The following GRIK2 variants were observed in gnomAD, a reference collection of about 807,000 sequenced individuals.
GRIK2 encodes glutamate ionotropic receptor kainate type subunit 2.
Under a neutral mutation model 100.3 loss-of-function variants are expected in GRIK2, and 32 were observed. The observed-to-expected ratio is 0.32, with a 90% CI of 0.24 to 0.43. The LOEUF is 0.43. GRIK2 is among the 20% of genes least tolerant of loss of function. The pLI is 1.00. For missense variants in GRIK2, 843 were observed against 1,114.9 expected (o/e 0.76, Z 3.47); for synonymous variants, 417 against 389.4 (o/e 1.07, Z -0.83).
chr6:101,657,460 T>C (rs1413575428), intron 4 of GRIK2, among the ~76,000 whole-genome samples: 2 of 152,172 alleles, frequency 1.3e-5, no homozygotes, highest in African/African-American at 2.4e-5. Context: ...GGTATCTTTA[T>C]AGCAGTGTGA....
chr6:101,546,992 A>T (rs2518312), intron 2 of GRIK2, among the ~76,000 whole-genome samples: 2 of 149,392 alleles, frequency 1.3e-5, no homozygotes, highest in Non-Finnish European at 3.0e-5. Flanking sequence ...CACTACGCCC[A>T]GCTAATTTTT....
chr6:101,521,658 A>G (rs1774889662), intron 2 of GRIK2, among the ~76,000 whole-genome samples: 2 of 151,886 alleles, frequency 1.3e-5, no homozygotes, highest in Non-Finnish European at 2.9e-5. Flanking sequence ...GTAAAATAAG[A>G]TACTTTTTAC....
At chr6:101,927,264 ATTTGT>A (rs1789961363) in intron 13 of GRIK2, 8 of 381,314 alleles carry the variant, frequency 2.1e-5, no homozygotes, top group Non-Finnish European at 2.2e-5. Flanking sequence ...CACATGAATA[ATTTGT>A]TTTATTTTTT....
chr6:101,963,327 T>C (rs1318300624), intron 14 of GRIK2, among the ~76,000 whole-genome samples: 1 of 120,642 alleles, frequency 8.3e-6, no homozygotes, highest in African/African-American at 3.0e-5. Flanking sequence ...AGATGGAGTC[T>C]AGCTCTGTCG....
At chr6:101,639,845 T>A (rs780218142) in intron 4 of GRIK2, among the ~76,000 whole-genome samples, 8 of 152,174 alleles carry the variant, frequency 5.3e-5, no homozygotes, top group Admixed American at 1.3e-4. Context: ...CAGTATCCAC[T>A]AGGATAGTAT....
intron 2 of GRIK2, among the ~76,000 whole-genome samples, chr6:101,582,397 G>A (rs1778145553): frequency 6.6e-6 from 1 of 152,044 alleles, no homozygotes; most frequent in Non-Finnish European, 1.5e-5. Context: ...ATGATAGACT[G>A]GATAAAGAGA....
intron 7 of GRIK2, among the ~76,000 whole-genome samples, chr6:101,732,760 A>T (rs983324681): frequency 6.6e-6 from 1 of 152,030 alleles, no homozygotes; most frequent in Admixed American, 6.6e-5. Flanking sequence ...AAACCTTGCA[A>T]TCATCTCCTT....
At chr6:101,900,479 T>C (rs1039936475) in intron 12 of GRIK2, among the ~76,000 whole-genome samples, 2 of 152,072 alleles carry the variant, frequency 1.3e-5, no homozygotes, top group African/African-American at 2.4e-5. Context: ...ACAAAATATA[T>C]ATTTATTTTG....
intron 3 of GRIK2, among the ~76,000 whole-genome samples, chr6:101,623,581 G>A (rs962985757): frequency 6.6e-6 from 1 of 152,038 alleles, no homozygotes; most frequent in East Asian, 1.9e-4. Flanking sequence ...TTTCTTAATG[G>A]TGATTTCAAA....
chr6:101,686,137 A>G (rs949069084), intron 6 of GRIK2, 43 bp from the exon 7 acceptor site: 16 of 1,531,430 alleles, frequency 1.0e-5, no homozygotes, highest in Non-Finnish European at 1.3e-5. Flanking sequence ...GCCTGTGAAG[A>G]TACTCTGTCC....
intron 11 of GRIK2, among the ~76,000 whole-genome samples, chr6:101,866,593 G>C (rs1453069144): frequency 6.6e-6 from 1 of 151,992 alleles, no homozygotes; most frequent in African/African-American, 2.4e-5. Context: ...TAGTTTATAA[G>C]AATTTCTATT....
intron 7 of GRIK2, among the ~76,000 whole-genome samples, chr6:101,702,014 A>G (rs2128353121): frequency 6.6e-6 from 1 of 152,062 alleles, no homozygotes. Flanking sequence ...CACCATCAGG[A>G]GGCTACTATC....
At position 101,546,898 on chromosome 6, in the gene GRIK2, T is replaced by G. The variant is rs1776269383; in HGVS notation, c.116-75051T>G. Among the ~76,000 whole-genome samples, 3 of 130,144 alleles carry G rather than the reference T, an allele frequency of 2.3e-5. No homozygotes were observed. The South Asian group carries it at 8.9e-4, about 39-fold the overall frequency. The allele number at this position is 130,144 out of a possible 152,430, so 85.4% of individuals were successfully genotyped here. On this transcript the variant is annotated intron_variant, in intron 2 of 16. Transcript: ENST00000369134. Reference sequence around the variant, plus strand: ...CAGGCTGGAGTGCAGTGGCGGGATCTCGGCTCACTGCAAGCTCCGCCTCCC... The same window carrying G: ...CAGGCTGGAGTGCAGTGGCGGGATCGCGGCTCACTGCAAGCTCCGCCTCCC...
intron 10 of GRIK2, among the ~76,000 whole-genome samples, chr6:101,838,473 T>G (rs1783282622): frequency 6.6e-6 from 1 of 152,164 alleles, no homozygotes; most frequent in African/African-American, 2.4e-5. Flanking sequence ...TAAGCCAAGT[T>G]GACCACCCTG....
In GRIK2 at chr6:102,040,801, T is replaced by C. The variant is rs572319990; in HGVS notation, c.2311+5235T>C. ...CATAAAATTGCCAGCCTTCCGTTTT[T>C]CAGCTTTACTGAAGTGAATGAATAC... is the stretch of plus-strand genomic sequence containing the variant. On this transcript the variant is annotated intron_variant, in intron 15 of 16. Transcript: ENST00000369134. Among the ~76,000 whole-genome samples the C allele has an allele frequency of 4.7e-4, 71 of 151,780 alleles. No homozygotes were observed. In the Middle Eastern group the frequency reaches 0.01, roughly 22 times the overall value.
At chr6:101,625,771 A>G (rs1391061544) in intron 3 of GRIK2, among the ~76,000 whole-genome samples, 1 of 152,198 alleles carries the variant, frequency 6.6e-6, no homozygotes, top group Non-Finnish European at 1.5e-5. Flanking sequence ...TCCAAAAGCC[A>G]AATATATAAA....
intron 7 of GRIK2, among the ~76,000 whole-genome samples, chr6:101,752,619 C>A (rs1022335004): frequency 6.6e-6 from 1 of 152,082 alleles, no homozygotes; most frequent in Non-Finnish European, 1.5e-5. Flanking sequence ...TCTGTATCTC[C>A]TTTCCCTGAC....
At chr6:101,698,401 A>G (rs1187173387) in intron 7 of GRIK2, among the ~76,000 whole-genome samples, 1 of 152,114 alleles carries the variant, frequency 6.6e-6, no homozygotes, top group Non-Finnish European at 1.5e-5. Flanking sequence ...AATTTGCCTA[A>G]CGGATATTAG....
chr6:101,858,119 TTACCGAG>T, intron 10 of GRIK2, among the ~76,000 whole-genome samples: 1 of 152,344 alleles, frequency 6.6e-6, no homozygotes, highest in South Asian at 2.1e-4. Context: ...TTCTCTTATC[TTACCGAG>T]TACCTTGCAG....
Sources: gnomAD v4.1 joint callset for allele counts (sites outside exome capture counted in the v4.1 genomes callset) on GRCh38, gnomAD v4.1.1 for gene constraint, MANE v1.5 for transcripts, NCBI Gene and HGNC (gene_info 2026-07-23, HGNC 2026-07-21) for gene names.